Variants in GRIP1 observed in about 807,000 individuals in gnomAD.
GRIP1 encodes glutamate receptor-interacting protein 1.
In GRIP1, 45 loss-of-function variants were observed where a neutral mutation model predicts 129.9. The ratio of observed to expected loss-of-function variants is 0.35; its 90% confidence interval spans 0.27 to 0.44. The LOEUF (loss-of-function observed/expected upper bound fraction) is 0.44, where lower values mean the gene tolerates loss of function less well. Ranked by LOEUF, GRIP1 falls within the 20% of genes least tolerant of loss-of-function variation. The probability of loss-of-function intolerance (pLI) is 1.00; values close to 1 mark genes in which losing one functional copy is unlikely to be tolerated. For synonymous variants in GRIP1, 530 were observed against 520.8 expected (o/e 1.02, Z -0.24); for missense variants, 1,196 against 1,396.8 (o/e 0.86, Z 2.29).
chr12:66,525,654 A>ATC, intron 5 of GRIP1, among the ~76,000 whole-genome samples: 1 of 150,874 alleles, frequency 6.6e-6, no homozygotes, highest in East Asian at 2.1e-4. Flanking sequence ...CACTCCTATT[A>ATC]AACGTAGTGT....
intron 1 of GRIP1, among the ~76,000 whole-genome samples, chr12:67,024,699 T>C (rs2042916159): frequency 6.6e-6 from 1 of 152,186 alleles, no homozygotes; most frequent in Non-Finnish European, 1.5e-5. Context: ...TAAACTCTCT[T>C]AGAAACTTAC....
At chr12:67,002,556 C>T (rs924964519) in intron 1 of GRIP1, among the ~76,000 whole-genome samples, 5 of 152,164 alleles carry the variant, frequency 3.3e-5, no homozygotes, top group Admixed American at 1.3e-4. Context: ...CAACAAAGCA[C>T]ACTAAAATTC....
chr12:67,024,543 T>C (rs2042913977), intron 1 of GRIP1, among the ~76,000 whole-genome samples: 1 of 152,146 alleles, frequency 6.6e-6, no homozygotes, highest in Non-Finnish European at 1.5e-5. Context: ...ACTGGACCTA[T>C]TTGTAAGTCA....
At chr12:66,405,290 T>C (rs2057151234) in intron 16 of GRIP1, among the ~76,000 whole-genome samples, 1 of 152,190 alleles carries the variant, frequency 6.6e-6, no homozygotes, top group Non-Finnish European at 1.5e-5. Context: ...GGAAAGGCCT[T>C]GACTTTACCC....
chr12:67,011,113 T>C (rs1006089563), intron 1 of GRIP1, among the ~76,000 whole-genome samples: 1 of 152,194 alleles, frequency 6.6e-6, no homozygotes, highest in African/African-American at 2.4e-5. Flanking sequence ...CATTTGTACT[T>C]AGCTATCTCA....
At chr12:66,931,240 ACCAGC>A (rs2041390328) in intron 1 of GRIP1, among the ~76,000 whole-genome samples, 1 of 152,228 alleles carries the variant, frequency 6.6e-6, no homozygotes, top group Admixed American at 6.5e-5. Context: ...CATGATGCTG[ACCAGC>A]CCGTGTCACA....
chr12:66,456,390 A>G (rs956704989), intron 9 of GRIP1, 48 bp from the exon 10 acceptor site: 2 of 1,084,730 alleles, frequency 1.8e-6, no homozygotes, highest in African/African-American at 3.2e-5. Flanking sequence ...AAACGAACAA[A>G]CAAAGAACCA....
At chr12:66,804,286 G>T, upstream of GRIP1, 1 of 320,238 alleles carries the variant, frequency 3.1e-6, no homozygotes, top group Non-Finnish European at 6.4e-6. Context: ...TACCAAACCT[G>T]GACCAGGACA....
Position 66,824,954 on chromosome 12 carries a change from T to C in GRIP1, c.59-228027A>G, listed in dbSNP as rs182087350. Among the ~76,000 whole-genome samples the C allele has an allele frequency of 1.2e-4, 18 of 152,292 alleles. No homozygotes were observed. In the East Asian group the frequency reaches 3.5e-3, roughly 29 times the overall value. On this transcript the variant is annotated intron_variant, in intron 1 of 1. Coordinates refer to the GRIP1 transcript ENST00000643019. ...TGGTAAAAGTTTCCAAGAGCTTTTT[T>C]TTCCCCAAAGCCCTCTCTTAATCCC...
chr12:66,992,407 T>C (rs1241193645), intron 1 of GRIP1, among the ~76,000 whole-genome samples: 1 of 152,066 alleles, frequency 6.6e-6, no homozygotes, highest in Non-Finnish European at 1.5e-5. Context: ...ACAATTCCAA[T>C]ATCAGTGTGT....
At chr12:67,038,258 A>G (rs531959704) in intron 1 of GRIP1, among the ~76,000 whole-genome samples, 30 of 152,354 alleles carry the variant, frequency 2.0e-4, no homozygotes, top group African/African-American at 7.2e-4. Flanking sequence ...GGACGTGGAC[A>G]GGATCCTGAT....
intron 2 of GRIP1, among the ~76,000 whole-genome samples, chr12:66,582,085 G>T (rs931502718): frequency 6.6e-6 from 1 of 152,168 alleles, no homozygotes; most frequent in African/African-American, 2.4e-5. Flanking sequence ...ACCCTGGGAT[G>T]CAAGGCTGAT....
At chr12:66,646,430 C>T (rs1024885865) in intron 1 of GRIP1, among the ~76,000 whole-genome samples, 1 of 152,166 alleles carries the variant, frequency 6.6e-6, no homozygotes, top group Non-Finnish European at 1.5e-5. Context: ...TCGAGACCAG[C>T]CTGGCCAACA....
intron 1 of GRIP1, among the ~76,000 whole-genome samples, chr12:66,730,732 G>A (rs1162361907): frequency 6.8e-6 from 1 of 146,342 alleles, no homozygotes; most frequent in African/African-American, 2.5e-5. Context: ...CTCATACATG[G>A]TATTTCCCAT....
intron 1 of GRIP1, among the ~76,000 whole-genome samples, chr12:67,062,930 G>T (rs937261509): frequency 6.6e-6 from 1 of 152,146 alleles, no homozygotes; most frequent in Non-Finnish European, 1.5e-5. Flanking sequence ...ATTATTGATT[G>T]ATTGTTTCAT....
chr12:66,791,923 G>C (rs2136862274), intron 1 of GRIP1, among the ~76,000 whole-genome samples: 1 of 152,250 alleles, frequency 6.6e-6, no homozygotes, highest in Non-Finnish European at 1.5e-5. Flanking sequence ...TGCAGCATTT[G>C]ATTTGCCATT....
chr12:66,881,892 A>T (rs776150195), intron 1 of GRIP1, among the ~76,000 whole-genome samples: 1 of 152,244 alleles, frequency 6.6e-6, no homozygotes, highest in Non-Finnish European at 1.5e-5. Context: ...GAGATAATTA[A>T]TATTAAGAGG....
chr12:66,422,470 C>A (rs2057838565), intron 14 of GRIP1, among the ~76,000 whole-genome samples: 2 of 152,142 alleles, frequency 1.3e-5, no homozygotes, highest in Admixed American at 6.6e-5. Context: ...AAAACAAAAA[C>A]TTTGTTATTA....
chr12:66,743,625 A>G (rs1323765746), intron 1 of GRIP1, among the ~76,000 whole-genome samples: 2 of 151,994 alleles, frequency 1.3e-5, no homozygotes, highest in Non-Finnish European at 2.9e-5. Context: ...CATGCACTCA[A>G]CCTTTACCAG....
Sources: allele counts gnomAD v4.1 joint callset (sites outside exome capture counted in the v4.1 genomes callset), GRCh38; gene constraint gnomAD v4.1.1; transcripts MANE v1.5; gene names NCBI Gene and HGNC (gene_info 2026-07-23, HGNC 2026-07-21).